SEC24D: variants seen among roughly 807,000 people sequenced by gnomAD.
SEC24D encodes protein transport protein Sec24D.
In SEC24D, 69 loss-of-function variants were observed where a neutral mutation model predicts 116.9. The ratio of observed to expected loss-of-function variants is 0.59; its 90% CI spans 0.49 to 0.72. The LOEUF is 0.72. Among genes scored for constraint, SEC24D ranks in the 30% least tolerant of loss-of-function variants. The pLI is 0.00. For missense variants in SEC24D, 1,131 were observed against 1,264.1 expected, an observed-to-expected ratio of 0.89 and a Z score of 1.60; for synonymous variants, 405 against 442.8, an observed-to-expected ratio of 0.91 and a Z score of 1.07.
intron 8 of SEC24D, among the ~76,000 whole-genome samples, chr4:118,776,961 AAAT>A (rs1214234396): frequency 6.6e-6 from 1 of 152,192 alleles, no homozygotes; most frequent in African/African-American, 2.4e-5. Flanking sequence ...AAAGGGTTAA[AAAT>A]AATAAGCCCA....
intron 2 of SEC24D, among the ~76,000 whole-genome samples, chr4:118,828,300 G>T (rs139096012): frequency 6.6e-6 from 1 of 151,918 alleles, no homozygotes; most frequent in African/African-American, 2.4e-5. Context: ...TAGTAGAGAC[G>T]GCGTTTCACC....
intron 3 of SEC24D, among the ~76,000 whole-genome samples, chr4:118,819,060 C>T (rs1431512905): frequency 1.3e-5 from 2 of 152,134 alleles, no homozygotes; most frequent in Non-Finnish European, 2.9e-5. Context: ...ATTAATGACA[C>T]TGGTGAAACA....
intron 14 of SEC24D, 134 bp from the exon 15 acceptor site, chr4:118,744,292 G>A: frequency 1.1e-6 from 1 of 907,450 alleles, no homozygotes; most frequent in Non-Finnish European, 1.6e-6. Flanking sequence ...AGTGAACTGG[G>A]CTGAAGAAAC....
Position 118,747,002 on chromosome 4 carries a change from T to A in SEC24D, c.1708-1942A>T, listed in dbSNP as rs1205439309. Among the ~76,000 whole-genome samples the A allele has an allele frequency of 8.5e-5, 13 of 152,168 alleles. No homozygotes were observed. In the South Asian group the frequency reaches 2.7e-3, roughly 32 times the overall value. On this transcript the variant is annotated intron_variant, in intron 13 of 22. Coordinates refer to ENST00000280551, the MANE Select transcript of SEC24D (RefSeq NM_014822.4). The stretch of plus-strand genomic sequence containing the variant: ...CAAAAATTTGTGTGCTGTGATCTTA[T>A]TGTTGCATATGTCTTCCACCGAAAA...
At position 118,757,705 on chromosome 4, in the gene SEC24D, A is replaced by G; in HGVS notation, c.1421+16T>C. 1 of 1,603,964 alleles carries G rather than the reference A, an allele frequency of 6.2e-7. No homozygotes were observed. The highest frequency in any genetic ancestry group is 8.5e-7 in the Non-Finnish European group (1 of 1,176,272). On this transcript the variant is annotated intron_variant, in intron 11 of 22. Coordinates refer to ENST00000280551, the MANE Select transcript of SEC24D (RefSeq NM_014822.4). ...CAATAATGTATAAGTTGTAAAAAGA[A>G]TGACGGTTGCCTTACTTTGGAATTT...
intron 2 of SEC24D, among the ~76,000 whole-genome samples, chr4:118,828,443 C>A (rs1278527047): frequency 3.3e-5 from 5 of 152,114 alleles, no homozygotes; most frequent in African/African-American, 1.2e-4. Context: ...AGTCTCCAGA[C>A]CAGTGTCCTC....
At chr4:118,825,872 C>T (rs566002903) in intron 2 of SEC24D, among the ~76,000 whole-genome samples, 1 of 152,152 alleles carries the variant, frequency 6.6e-6, no homozygotes, top group South Asian at 2.1e-4. Flanking sequence ...TTCCTTTATT[C>T]TGTTATATTC....
At chr4:118,822,855 G>A (rs1425772407) in intron 3 of SEC24D, among the ~76,000 whole-genome samples, 1 of 152,000 alleles carries the variant, frequency 6.6e-6, no homozygotes, top group Non-Finnish European at 1.5e-5. Flanking sequence ...TTACAGATGT[G>A]AGCCACCACA....
chr4:118,823,892 C>A (rs1420269456), intron 3 of SEC24D, among the ~76,000 whole-genome samples: 1 of 152,070 alleles, frequency 6.6e-6, no homozygotes, highest in Admixed American at 6.6e-5. Context: ...GACCCATTGG[C>A]GACAATCCGA....
chr4:118,772,396 A>G (rs1578418153), intron 8 of SEC24D, among the ~76,000 whole-genome samples: 1 of 152,224 alleles, frequency 6.6e-6, no homozygotes, highest in East Asian at 1.9e-4. Flanking sequence ...TTCTCAAAGA[A>G]ACTTTTGATA....
At chr4:118,760,293 T>G (rs1454554912) in intron 10 of SEC24D, 1 of 152,246 alleles carries the variant, frequency 6.6e-6, no homozygotes, top group African/African-American at 2.4e-5. Flanking sequence ...CTTGCAAAAC[T>G]GAAACTGTAC....
At chr4:118,801,018 T>C (rs1729412185) in intron 7 of SEC24D, among the ~76,000 whole-genome samples, 1 of 151,910 alleles carries the variant, frequency 6.6e-6, no homozygotes, top group Non-Finnish European at 1.5e-5. Context: ...TCCCAGCACT[T>C]TGGAAGGCCG....
chr4:118,794,704 G>A (rs1033436011), intron 8 of SEC24D, among the ~76,000 whole-genome samples: 4 of 152,162 alleles, frequency 2.6e-5, no homozygotes, highest in Non-Finnish European at 5.9e-5. Flanking sequence ...GATGGTTCTT[G>A]TAGGCACACT....
At position 118,741,045 on chromosome 4, in the gene SEC24D, AT is replaced by A. The variant is rs1158219721; in HGVS notation, c.1996-9del. On this transcript the variant is annotated splice_polypyrimidine_tract_variant and intron_variant, in intron 15 of 22. Transcript: ENST00000280551. ...TTGTCTATCCAAGTGCATCTAAAAA[AT>A]AAAAGTCTAATCAATGTCCACCAGA... 11 of 1,497,904 alleles carry A rather than the reference AT, an allele frequency of 7.3e-6. No homozygotes were observed. Among genetic ancestry groups the A allele is most frequent in the African/African-American group, 1.4e-5 (1 of 72,150 alleles). The allele number at this position is 1,497,904 out of a possible 1,614,324, so 92.8% of individuals were successfully genotyped here.
chr4:118,740,082 C>G (rs1233445848), intron 17 of SEC24D, among the ~76,000 whole-genome samples: 1 of 152,088 alleles, frequency 6.6e-6, no homozygotes, highest in Non-Finnish European at 1.5e-5. Context: ...CACCCTAATT[C>G]ACTATGACTG....
intron 2 of SEC24D, among the ~76,000 whole-genome samples, chr4:118,826,547 T>C (rs1730598610): frequency 1.3e-5 from 2 of 152,252 alleles, no homozygotes; most frequent in Non-Finnish European, 1.5e-5. Context: ...TTCACAACAG[T>C]AGCATTAAAA....
intron 8 of SEC24D, among the ~76,000 whole-genome samples, chr4:118,778,046 T>C (rs1728229849): frequency 6.6e-6 from 1 of 152,154 alleles, no homozygotes; most frequent in Admixed American, 6.5e-5. Context: ...TTTTCTCCCA[T>C]TCTGTAGGTT....
At chr4:118,779,685 C>T (rs562354077) in intron 8 of SEC24D, among the ~76,000 whole-genome samples, 255 of 152,272 alleles carry the variant, frequency 1.7e-3, no homozygotes, top group African/African-American at 6.0e-3. Context: ...ATGGTACCAG[C>T]TTCTCTTTGT....
chr4:118,728,547 A>C lies in SEC24D; in HGVS notation c.2958+14T>G. 2 of 1,518,220 alleles carry C rather than the reference A, an allele frequency of 1.3e-6. No individual in the cohort carries two copies. Among genetic ancestry groups the C allele is most frequent in the Non-Finnish European group, 1.8e-6 (2 of 1,103,964 alleles). The allele number at this position is 1,518,220 out of a possible 1,614,324, so 94.0% of individuals were successfully genotyped here. ...AACATTTGAATAAAGGGAAAAATAA[A>C]ATTGCTTTCTTACCTTCATTGAATA... On this transcript the variant is annotated intron_variant, in intron 22 of 22. Coordinates refer to ENST00000280551, the MANE Select transcript of SEC24D (RefSeq NM_014822.4).
Sources: allele counts gnomAD v4.1 joint callset (sites outside exome capture counted in the v4.1 genomes callset), GRCh38; gene constraint gnomAD v4.1.1; transcripts MANE v1.5; gene names NCBI Gene and HGNC (gene_info 2026-07-23, HGNC 2026-07-21).